Variants in TXNRD1 observed in about 807,000 individuals in gnomAD.
TXNRD1 encodes the protein thioredoxin reductase 1.
Under a neutral mutation model 80.3 loss-of-function variants are expected in TXNRD1, and 57 were observed. The observed-to-expected ratio is 0.71, with a 90% CI of 0.57 to 0.89. TXNRD1 has a LOEUF of 0.89. Ranked by LOEUF, TXNRD1 falls within the 40% of genes least tolerant of loss-of-function variation. The pLI, the probability that TXNRD1 is intolerant of heterozygous loss-of-function variation, is 0.00. For missense variants in TXNRD1, 730 were observed against 803.0 expected (o/e 0.91, Z 1.10); for synonymous variants, 291 against 285.2 (o/e 1.02, Z -0.20).
chr12:104,228,178 T>C lies in TXNRD1; in HGVS notation c.91+12285T>C, dbSNP rs547656417. Among the ~76,000 whole-genome samples, 3 of 151,752 alleles carry C rather than the reference T, an allele frequency of 2.0e-5. No homozygotes were observed. In the South Asian group the frequency reaches 6.2e-4, roughly 31 times the overall value. ...TTAGCTGGGTGTGGTGTTGCATGCC[T>C]GTAATCCCAGCTACTCGGGAGGCTG... On this transcript the variant is annotated intron_variant, in intron 1 of 16. Transcript: ENST00000525566.
At chr12:104,337,007 C>T (rs1295596081) in intron 15 of TXNRD1, among the ~76,000 whole-genome samples, 1 of 149,354 alleles carries the variant, frequency 6.7e-6, no homozygotes, top group East Asian at 1.9e-4. Context: ...GTCGAAGGGT[C>T]TCATGCTTAC....
intron 1 of TXNRD1, among the ~76,000 whole-genome samples, chr12:104,237,838 C>A (rs557557545): frequency 6.4e-4 from 98 of 152,080 alleles, no homozygotes; most frequent in Admixed American, 1.9e-3. Context: ...TATGGTAAAA[C>A]CGTCTCTACT....
chr12:104,247,594 T>C (rs1338196588), intron 1 of TXNRD1, among the ~76,000 whole-genome samples: 1 of 152,216 alleles, frequency 6.6e-6, no homozygotes. Context: ...TAACCTCTTA[T>C]GATTTATTTA....
chr12:104,312,113 T>G (rs1049655576), intron 5 of TXNRD1, among the ~76,000 whole-genome samples: 1 of 152,178 alleles, frequency 6.6e-6, no homozygotes, highest in Admixed American at 6.5e-5. Flanking sequence ...TTTGTCTTTT[T>G]CACTTGAATG....
At chr12:104,254,640 AAAAAAT>A (rs2033201723) in intron 2 of TXNRD1, among the ~76,000 whole-genome samples, 3 of 106,268 alleles carry the variant, frequency 2.8e-5, no homozygotes, top group Admixed American at 2.0e-4. Flanking sequence ...GAAAAAAAAA[AAAAAAT>A]ATATATATAT....
At chr12:104,303,777 C>T in intron 4 of TXNRD1, 1 of 1,253,546 alleles carries the variant, frequency 8.0e-7, no homozygotes, top group Non-Finnish European at 1.1e-6. Flanking sequence ...CGCCACTTTC[C>T]ACACGCTGGG....
intron 1 of TXNRD1, among the ~76,000 whole-genome samples, chr12:104,219,861 G>A (rs1424620325): frequency 6.6e-6 from 1 of 152,122 alleles, no homozygotes; most frequent in Non-Finnish European, 1.5e-5. Flanking sequence ...AGTAAGGAGA[G>A]GAGACAGTAT....
At chr12:104,308,110 C>T (rs1032008975) in intron 4 of TXNRD1, among the ~76,000 whole-genome samples, 1 of 152,042 alleles carries the variant, frequency 6.6e-6, no homozygotes, top group Non-Finnish European at 1.5e-5. Flanking sequence ...ATTCTCCTGC[C>T]TCAGCCTCTC....
intron 3 of TXNRD1, chr12:104,287,477 A>C (rs1242836107): frequency 9.9e-6 from 16 of 1,609,116 alleles, no homozygotes; most frequent in Non-Finnish European, 1.4e-5. Context: ...AATGTAGATG[A>C]CAATGTGTTG....
chr12:104,310,181 T>TGA (rs2035083047), intron 4 of TXNRD1: 1 of 1,370,066 alleles, frequency 7.3e-7, no homozygotes, highest in African/African-American at 1.5e-5. Flanking sequence ...AGTCTCACTC[T>TGA]GTGAGACTCC....
chr12:104,235,283 G>A (rs569312928), intron 1 of TXNRD1, among the ~76,000 whole-genome samples: 1 of 152,174 alleles, frequency 6.6e-6, no homozygotes, highest in Non-Finnish European at 1.5e-5. Flanking sequence ...AAATGGAGCA[G>A]GGGTGGGGGC....
chr12:104,282,589 C>T (rs1274325493), intron 3 of TXNRD1, among the ~76,000 whole-genome samples: 1 of 150,302 alleles, frequency 6.7e-6, no homozygotes, highest in Admixed American at 6.7e-5. Flanking sequence ...TATTCTTCTT[C>T]AAGGTACAAA....
At chr12:104,297,651 T>C (rs1274536684) in intron 4 of TXNRD1, among the ~76,000 whole-genome samples, 1 of 152,158 alleles carries the variant, frequency 6.6e-6, no homozygotes, top group Non-Finnish European at 1.5e-5. Flanking sequence ...AGGTGTAAGC[T>C]ACCATGCCCG....
intron 1 of TXNRD1, among the ~76,000 whole-genome samples, chr12:104,226,718 G>C (rs2135678923): frequency 6.6e-6 from 1 of 152,274 alleles, no homozygotes; most frequent in African/African-American, 2.4e-5. Flanking sequence ...GTCCTCTCAA[G>C]CTGTAAAATT....
chr12:104,288,857 C>A (rs1438640689), intron 3 of TXNRD1, 74 bp from the exon 4 acceptor site: 8 of 1,612,330 alleles, frequency 5.0e-6, no homozygotes, highest in African/African-American at 1.3e-5. Context: ...GGAAGCCCCG[C>A]CCCCGGCGCA....
chr12:104,274,936 C>G (rs1405139467), intron 3 of TXNRD1, among the ~76,000 whole-genome samples: 4 of 151,946 alleles, frequency 2.6e-5, no homozygotes, highest in African/African-American at 4.8e-5. Flanking sequence ...TTTTTCTTTC[C>G]TCTAAGATTG....
At chr12:104,331,911 AG>A (rs2035966130) in intron 14 of TXNRD1, among the ~76,000 whole-genome samples, 2 of 152,024 alleles carry the variant, frequency 1.3e-5, no homozygotes, top group South Asian at 4.1e-4. Flanking sequence ...TCTATGAACG[AG>A]GGCATTTTCT....
In TXNRD1 at chr12:104,225,329, C is replaced by T. The variant is rs1024705125; in HGVS notation, c.91+9436C>T. Among the ~76,000 whole-genome samples, 6 of 152,116 alleles carry T rather than the reference C, an allele frequency of 3.9e-5. No homozygotes were observed. The South Asian group carries it at 6.2e-4, about 16-fold the overall frequency. Reference sequence around the variant, plus strand: ...AGCATACAACTATTAAGTAGTGGAGCGAGGATTCTCATGCTGGAAGCTAGT... The same window carrying T: ...AGCATACAACTATTAAGTAGTGGAGTGAGGATTCTCATGCTGGAAGCTAGT... On this transcript the variant is annotated intron_variant, in intron 1 of 16. Transcript: ENST00000525566.
chr12:104,304,941 T>A, intron 4 of TXNRD1: 1 of 1,573,036 alleles, frequency 6.4e-7, no homozygotes, highest in South Asian at 1.2e-5. Flanking sequence ...TACTAAAGAT[T>A]TCTTAGTATA....
Sources: gnomAD v4.1 joint callset for allele counts (sites outside exome capture counted in the v4.1 genomes callset) on GRCh38, gnomAD v4.1.1 for gene constraint, MANE v1.5 for transcripts, NCBI Gene and HGNC (gene_info 2026-07-23, HGNC 2026-07-21) for gene names.